The following CHRNA7 variants were observed in gnomAD, a reference collection of about 807,000 sequenced individuals.
CHRNA7 encodes the protein neuronal acetylcholine receptor subunit alpha-7.
Under a neutral mutation model 48.0 loss-of-function variants are expected in CHRNA7, and 17 were observed. The observed-to-expected ratio is 0.35, with a 90% CI of 0.24 to 0.53. The LOEUF (loss-of-function observed/expected upper bound fraction) is 0.53. Ranked by LOEUF, CHRNA7 falls within the 20% of genes least tolerant of loss-of-function variation. The pLI is 0.92. For synonymous variants in CHRNA7, 75 were observed against 242.3 expected (o/e 0.31, Z 6.41); for missense variants, 155 against 577.7 (o/e 0.27, Z 7.50).
intron 4 of CHRNA7, among the ~76,000 whole-genome samples, chr15:32,124,136 T>G (rs1414389060): frequency 1.3e-5 from 2 of 152,132 alleles, no homozygotes; most frequent in Non-Finnish European, 2.9e-5. Flanking sequence ...CCAACTATAT[T>G]GTATATACAG....
At chr15:32,063,693 T>C (rs191498639) in intron 2 of CHRNA7, among the ~76,000 whole-genome samples, 1 of 152,328 alleles carries the variant, frequency 6.6e-6, no homozygotes, top group Non-Finnish European at 1.5e-5. Context: ...TCCAATCACT[T>C]GGTTGGTTTC....
chr15:32,148,605 T>G (rs1353862476), intron 4 of CHRNA7, among the ~76,000 whole-genome samples: 1 of 152,092 alleles, frequency 6.6e-6, no homozygotes, highest in Non-Finnish European at 1.5e-5. Flanking sequence ...ACCCACAGGG[T>G]CCACCTGTGC....
At chr15:32,039,428 G>A (rs2049408523) in intron 2 of CHRNA7, among the ~76,000 whole-genome samples, 1 of 151,956 alleles carries the variant, frequency 6.6e-6, no homozygotes, top group Admixed American at 6.6e-5. Flanking sequence ...GACTTCTTTT[G>A]CTGCATCCCA....
chr15:32,040,560 C>T (rs1164766960), intron 2 of CHRNA7, among the ~76,000 whole-genome samples: 3 of 150,306 alleles, frequency 2.0e-5, no homozygotes. Flanking sequence ...GTCCCTTGTA[C>T]CATTTATTTC....
At chr15:32,051,472 C>T (rs1424754992) in intron 2 of CHRNA7, among the ~76,000 whole-genome samples, 2 of 152,226 alleles carry the variant, frequency 1.3e-5, no homozygotes, top group African/African-American at 4.8e-5. Flanking sequence ...GATATAATCT[C>T]CTGGTGTGCC....
At chr15:32,037,266 C>G (rs146666689) in intron 2 of CHRNA7, among the ~76,000 whole-genome samples, 1 of 152,102 alleles carries the variant, frequency 6.6e-6, no homozygotes. Flanking sequence ...TTTCTGGGTT[C>G]TCTGTTGTGT....
At chr15:32,105,753 A>G (rs2050659054) in intron 3 of CHRNA7, among the ~76,000 whole-genome samples, 1 of 152,188 alleles carries the variant, frequency 6.6e-6, no homozygotes, top group Non-Finnish European at 1.5e-5. Flanking sequence ...CGATTGAGAA[A>G]CATGCTGGAT....
At chr15:32,113,417 G>A (rs964786922) in intron 4 of CHRNA7, among the ~76,000 whole-genome samples, 5 of 152,190 alleles carry the variant, frequency 3.3e-5, no homozygotes. Context: ...ATTTCAACAT[G>A]TGAGTTTGAG....
chr15:32,074,714 G>T (rs2050110379), intron 2 of CHRNA7, among the ~76,000 whole-genome samples: 1 of 151,392 alleles, frequency 6.6e-6, no homozygotes, highest in Non-Finnish European at 1.5e-5. Context: ...GAGTGCAGTG[G>T]CATGATCTCG....
At chr15:32,115,440 C>G (rs1443774486) in intron 4 of CHRNA7, among the ~76,000 whole-genome samples, 1 of 152,048 alleles carries the variant, frequency 6.6e-6, no homozygotes, top group Non-Finnish European at 1.5e-5. Flanking sequence ...GCTGGCTTCC[C>G]CTTCCTGCCT....
intron 4 of CHRNA7, among the ~76,000 whole-genome samples, chr15:32,142,843 A>G (rs896252096): frequency 6.6e-6 from 1 of 151,698 alleles, no homozygotes; most frequent in Non-Finnish European, 1.5e-5. Flanking sequence ...CGGTCTGTCT[A>G]TTTTGTTGAT....
chr15:32,084,520 G>A (rs1392055836), intron 2 of CHRNA7, among the ~76,000 whole-genome samples: 1 of 152,222 alleles, frequency 6.6e-6, no homozygotes, highest in African/African-American at 2.4e-5. Flanking sequence ...TGGATTTACC[G>A]TGGTGGCTCC....
At chr15:32,058,959 T>C (rs1470767744) in intron 2 of CHRNA7, among the ~76,000 whole-genome samples, 1 of 152,210 alleles carries the variant, frequency 6.6e-6, no homozygotes, top group Non-Finnish European at 1.5e-5. Context: ...ACTGTACCTG[T>C]CTAGGCAGAG....
intron 3 of CHRNA7, among the ~76,000 whole-genome samples, chr15:32,104,918 C>T (rs8030315): frequency 0.14 from 20,865 of 152,196 alleles, 1,731 homozygotes; most frequent in Middle Eastern, 0.22. Flanking sequence ...AGGTCTCTCT[C>T]CCTGGTGCCT....
chr15:32,048,485 A>G (rs1410588582), intron 2 of CHRNA7, among the ~76,000 whole-genome samples: 2 of 152,300 alleles, frequency 1.3e-5, no homozygotes, highest in African/African-American at 4.8e-5. Context: ...CTCTGATGAT[A>G]GTTTGTATTT....
chr15:32,050,778 T>C (rs2049655869), intron 2 of CHRNA7, among the ~76,000 whole-genome samples: 1 of 152,202 alleles, frequency 6.6e-6, no homozygotes. Context: ...TTTGTGGTTT[T>C]ATTTACTTTT....
chr15:32,048,414 G>A (rs187965393), intron 2 of CHRNA7, among the ~76,000 whole-genome samples: 2 of 152,242 alleles, frequency 1.3e-5, no homozygotes, highest in Non-Finnish European at 1.5e-5. Flanking sequence ...TGTATGTGTC[G>A]AGGAATTTAC....
chr15:32,110,173 C>T (rs777588938), intron 3 of CHRNA7, among the ~76,000 whole-genome samples: 17 of 152,144 alleles, frequency 1.1e-4, no homozygotes, highest in Non-Finnish European at 1.9e-4. Context: ...ACAGAAAGCA[C>T]AGGTGTTGGC....
At chr15:32,035,406 A>T (rs1219647558) in intron 2 of CHRNA7, among the ~76,000 whole-genome samples, 1 of 152,252 alleles carries the variant, frequency 6.6e-6, no homozygotes, top group Non-Finnish European at 1.5e-5. Context: ...ATGTAATTAT[A>T]TACAAATGTA....
Sources: gnomAD v4.1 joint callset for allele counts (sites outside exome capture counted in the v4.1 genomes callset) on GRCh38, gnomAD v4.1.1 for gene constraint, MANE v1.5 for transcripts, NCBI Gene and HGNC (gene_info 2026-07-23, HGNC 2026-07-21) for gene names.